MAP3K1: variants seen among roughly 807,000 people sequenced by gnomAD.
The protein encoded by MAP3K1 is MAP/ERK kinase kinase 1.
In MAP3K1, 36 loss-of-function variants were observed where a neutral mutation model predicts 144.2. The ratio of observed to expected loss-of-function variants is 0.25; its 90% CI spans 0.19 to 0.33. The LOEUF (loss-of-function observed/expected upper bound fraction) is 0.33, where lower values mean the gene tolerates loss of function less well. Among genes scored for constraint, MAP3K1 ranks in the 10% least tolerant of loss-of-function variants. The probability of loss-of-function intolerance (pLI) is 1.00; values close to 1 mark genes in which losing one functional copy is unlikely to be tolerated. For synonymous variants in MAP3K1, 718 were observed against 688.7 expected (o/e 1.04, Z -0.67); for missense variants, 1,650 against 1,881.9 (o/e 0.88, Z 2.28).
Position 56,871,907 on chromosome 5 carries a change from T to C in MAP3K1, c.1302-3T>C, listed in dbSNP as rs1204398529. 6.2e-7 allele frequency: 1 copy of C among 1,613,676 alleles called. No homozygotes were observed. The highest frequency in any genetic ancestry group is 1.7e-5 in the Admixed American group (1 of 60,022). On this transcript the variant is annotated splice_region_variant and splice_polypyrimidine_tract_variant and intron_variant, in intron 6 of 19. Transcript: ENST00000399503. ...TAATACTTTTTCTTCCCCTTTTCTA[T>C]AGCATAAAGGATGAAGAGGAACAGA...
chr5:56,878,194 G>C (rs1748098823), intron 10 of MAP3K1, among the ~76,000 whole-genome samples: 1 of 152,110 alleles, frequency 6.6e-6, no homozygotes, highest in Non-Finnish European at 1.5e-5. Flanking sequence ...TTTGTCCACT[G>C]ATTTTAAAAG....
Position 56,815,663 on chromosome 5 carries a change from C to T in MAP3K1, c.90C>T (p.Ala30=), listed in dbSNP as rs980247055. ...TSPEAGGGGG[A]LKASSAPAAA... ...CTGAGGCAGGCGGCGGCGGAGGAGCCCTCAAGGCGAGCAGCGCGCCCGCGG... is the reference window on the plus strand; with the variant it reads ...CTGAGGCAGGCGGCGGCGGAGGAGCTCTCAAGGCGAGCAGCGCGCCCGCGG... Residue 30 remains alanine (A), a synonymous_variant, in exon 1 of 20, where the codon GCC becomes GCT. Coordinates refer to ENST00000399503, the MANE Select transcript of MAP3K1 (RefSeq NM_005921.2). 3.0e-6 allele frequency: 4 copies of T among 1,323,586 alleles called. No individual in the cohort carries two copies. The highest frequency in any genetic ancestry group is 4.1e-5 in the South Asian group (2 of 48,394). 82.0% of individuals were successfully genotyped at this position (1,323,586 alleles called of 1,614,324 possible). A position where few individuals can be genotyped will look rare whatever the true frequency, so the allele number is the denominator to read the frequency against.
intron 19 of MAP3K1, among the ~76,000 whole-genome samples, chr5:56,888,929 A>G (rs1211262697): frequency 1.3e-5 from 2 of 152,220 alleles, no homozygotes; most frequent in South Asian, 2.1e-4. Flanking sequence ...GGTGTTGTCA[A>G]TGTTAGTGAC....
chr5:56,826,475 C>G (rs963969114), intron 1 of MAP3K1, among the ~76,000 whole-genome samples: 1 of 120,530 alleles, frequency 8.3e-6, no homozygotes, highest in Non-Finnish European at 2.1e-5. Context: ...GTTAAAAGCT[C>G]AGAGATGTGG....
intron 14 of MAP3K1, 53 bp downstream of exon 14, chr5:56,882,919 T>A: frequency 7.1e-7 from 1 of 1,403,202 alleles, no homozygotes; most frequent in Non-Finnish European, 9.9e-7. Context: ...CTGGGCACAG[T>A]GACTCATACC....
At chr5:56,872,349 T>A (rs1430394635) in intron 7 of MAP3K1, among the ~76,000 whole-genome samples, 1 of 152,236 alleles carries the variant, frequency 6.6e-6, no homozygotes, top group East Asian at 1.9e-4. Flanking sequence ...TGGGCAGGCA[T>A]TACAGAAAGG....
intron 5 of MAP3K1, 72 bp downstream of exon 5, chr5:56,865,528 C>G: frequency 1.1e-6 from 1 of 937,084 alleles, no homozygotes; most frequent in Admixed American, 1.8e-5. Flanking sequence ...ATTTATCCTT[C>G]ACTAAATTTA....
At chr5:56,832,870 GTTTTGTTTTGT>G (rs1354017221) in intron 1 of MAP3K1, among the ~76,000 whole-genome samples, 3 of 152,074 alleles carry the variant, frequency 2.0e-5, no homozygotes, top group Non-Finnish European at 4.4e-5. Flanking sequence ...TTAAGTTTTT[GTTTTGTTTTGT>G]TTTTGTTTTG....
At chr5:56,820,807 G>A in intron 1 of MAP3K1, 1 of 985,244 alleles carries the variant, frequency 1.0e-6, no homozygotes, top group Non-Finnish European at 1.2e-6. Context: ...TGCACAAGCT[G>A]TTTCTGTCGG....
At chr5:56,853,109 T>C (rs1229497113) in intron 1 of MAP3K1, among the ~76,000 whole-genome samples, 2 of 152,210 alleles carry the variant, frequency 1.3e-5, no homozygotes, top group Non-Finnish European at 2.9e-5. Context: ...ATTTCATTGA[T>C]TCAAAGATCC....
chr5:56,866,082 T>C (rs1158103944), intron 6 of MAP3K1, 105 bp downstream of exon 6: 2 of 1,021,740 alleles, frequency 2.0e-6, no homozygotes, highest in African/African-American at 1.6e-5. Flanking sequence ...GATTTAATTA[T>C]TGAATCTTGG....
rs576751802 is a variant in MAP3K1, at chr5:56,888,920, G to A, written c.4389+563G>A. ...TTTCCAGGAGTTGATATTGTCAATG[G>A]TGTTGTCAATGTTAGTGACATACAT... On this transcript the variant is annotated intron_variant, in intron 19 of 19. Coordinates refer to ENST00000399503, the MANE Select transcript of MAP3K1 (RefSeq NM_005921.2). Among the ~76,000 whole-genome samples the A allele has an allele frequency of 4.6e-5, 7 of 152,300 alleles. No homozygotes were observed. In the South Asian group the frequency reaches 1.0e-3, roughly 23 times the overall value.
intron 19 of MAP3K1, among the ~76,000 whole-genome samples, chr5:56,890,772 C>T (rs1748524361): frequency 6.6e-6 from 1 of 151,970 alleles, no homozygotes; most frequent in African/African-American, 2.4e-5. Context: ...CCTGGCCAAG[C>T]ACAGTGGCTC....
intron 2 of MAP3K1, among the ~76,000 whole-genome samples, chr5:56,859,042 A>G (rs935712962): frequency 6.9e-6 from 1 of 145,338 alleles, no homozygotes; most frequent in South Asian, 2.3e-4. Flanking sequence ...GGTCATGGCT[A>G]GATTAGGTCT....
chr5:56,848,250 G>T (rs569592411), intron 1 of MAP3K1, among the ~76,000 whole-genome samples: 1 of 152,108 alleles, frequency 6.6e-6, no homozygotes, highest in African/African-American at 2.4e-5. Context: ...AAAAACTTTC[G>T]AATATTCTTC....
chr5:56,870,222 ACT>A (rs1206288856), intron 6 of MAP3K1, among the ~76,000 whole-genome samples: 1 of 152,174 alleles, frequency 6.6e-6, no homozygotes, highest in Non-Finnish European at 1.5e-5. Context: ...AGCTTAGCAG[ACT>A]CTGAAATTTA....
In MAP3K1 at chr5:56,887,458, G is replaced by A. The variant is rs1748412096; in HGVS notation, c.4195G>A (p.Gly1399Arg). 1 of 1,614,032 alleles carries A rather than the reference G, an allele frequency of 6.2e-7. No individual in the cohort carries two copies. The highest frequency in any genetic ancestry group is 8.5e-7 in the Non-Finnish European group (1 of 1,179,994). The change falls in exon 18 of 20, where the codon GGA (glycine) becomes AGA (arginine). Residue 1399 changes from glycine to arginine, a missense_variant. Coordinates refer to ENST00000399503, the MANE Select transcript of MAP3K1 (RefSeq NM_005921.2). ...AGCTGCAGCCAGGTTGGCATCAAAA[G>A]GAACTGGTGCAGGAGAGTTTCAGGG... ...FGAAARLASK[G>R]TGAGEFQGQL...
chr5:56,815,549 G>C lies in MAP3K1; in HGVS notation c.-25G>C, dbSNP rs534512632. 8.0e-5 allele frequency: 102 copies of C among 1,275,002 alleles called. 2 individuals are homozygous for C. The South Asian group carries it at 2.4e-3, about 30-fold the overall frequency. The allele number at this position is 1,275,002 out of a possible 1,614,324, so 79.0% of individuals were successfully genotyped here. ...GCCCCCTCCCTCCCTCGCAGGGGCC[G>C]AGCGAATGTAGCCCGCGAGAGAAAA... On this transcript the variant is annotated 5_prime_UTR_variant, in exon 1 of 20. Coordinates refer to ENST00000399503, the MANE Select transcript of MAP3K1 (RefSeq NM_005921.2).
At chr5:56,850,887 T>C (rs996560819) in intron 1 of MAP3K1, among the ~76,000 whole-genome samples, 5 of 152,232 alleles carry the variant, frequency 3.3e-5, no homozygotes, top group Non-Finnish European at 5.9e-5. Flanking sequence ...ATTTCCTTCC[T>C]AAGGATGAGC....
Sources: allele counts gnomAD v4.1 joint callset (sites outside exome capture counted in the v4.1 genomes callset), GRCh38; gene constraint gnomAD v4.1.1; transcripts MANE v1.5; gene names NCBI Gene and HGNC (gene_info 2026-07-23, HGNC 2026-07-21).